The following TLK1 variants were observed in gnomAD, a reference collection of about 807,000 sequenced individuals.
The protein encoded by TLK1 is tousled like kinase 1.
A neutral mutation model predicts 105.3 loss-of-function variants in TLK1; 24 were observed. The ratio of observed to expected loss-of-function variants is 0.23; its 90% confidence interval spans 0.17 to 0.32. TLK1 has a LOEUF of 0.32. Among genes scored for constraint, TLK1 ranks in the 10% least tolerant of loss-of-function variants. The pLI, the probability that TLK1 is intolerant of heterozygous loss-of-function variation, is 1.00. For missense variants in TLK1, 558 were observed against 910.5 expected, an observed-to-expected ratio of 0.61 and a Z score of 4.98; for synonymous variants, 321 against 310.4, an observed-to-expected ratio of 1.03 and a Z score of -0.36.
chr2:171,158,689 T>C lies in TLK1; in HGVS notation c.139+1601A>G, dbSNP rs576989898. ...ACTCATAACACTAACATTAAACATC[T>C]TAATGAAACTACAAACAAAAGTAAA... On this transcript the variant is annotated intron_variant, in intron 1 of 20. Coordinates refer to ENST00000431350, the MANE Select transcript of TLK1 (RefSeq NM_012290.5). 1.2e-4 allele frequency among the ~76,000 whole-genome samples: 19 copies of C among 152,320 alleles called. No homozygotes were observed. In the South Asian group the frequency reaches 3.7e-3, roughly 30 times the overall value.
chr2:171,223,798 ATTTT>A (rs1273261078), intron 1 of TLK1, among the ~76,000 whole-genome samples: 1 of 127,232 alleles, frequency 7.9e-6, no homozygotes. Flanking sequence ...TTTAAAATCA[ATTTT>A]TTTTTTTTTT....
At chr2:171,196,064 AAAGG>A (rs993535217) in intron 1 of TLK1, among the ~76,000 whole-genome samples, 4 of 150,096 alleles carry the variant, frequency 2.7e-5, no homozygotes, top group Admixed American at 6.6e-5. Flanking sequence ...AAAGAAAGAA[AAAGG>A]AAGGAAGGAA....
At chr2:171,118,454 GAT>G (rs1175982025) in intron 1 of TLK1, among the ~76,000 whole-genome samples, 1 of 152,040 alleles carries the variant, frequency 6.6e-6, no homozygotes, top group Non-Finnish European at 1.5e-5. Context: ...CAATCCTTAA[GAT>G]TTTTTGTACG....
chr2:171,072,594 C>T (rs2105463215), intron 3 of TLK1, among the ~76,000 whole-genome samples: 1 of 152,220 alleles, frequency 6.6e-6, no homozygotes, highest in Admixed American at 6.5e-5. Context: ...CCCATTTCTA[C>T]TAAAAATACA....
At chr2:171,017,643 G>T (rs1685272284) in intron 12 of TLK1, among the ~76,000 whole-genome samples, 1 of 152,150 alleles carries the variant, frequency 6.6e-6, no homozygotes, top group Non-Finnish European at 1.5e-5. Flanking sequence ...ATATGTATCA[G>T]CAAATTAAAG....
At chr2:171,129,830 A>AATAAC (rs3084410) in intron 1 of TLK1, among the ~76,000 whole-genome samples, 37,337 of 142,458 alleles carry the variant, frequency 0.26, 5,053 homozygotes, top group East Asian at 0.32. Context: ...TAGGTTACCA[A>AATAAC]ATAACATAAC....
intron 1 of TLK1, among the ~76,000 whole-genome samples, chr2:171,120,075 C>T (rs1393777445): frequency 6.6e-6 from 1 of 151,694 alleles, no homozygotes; most frequent in Non-Finnish European, 1.5e-5. Context: ...CTCTACTAAA[C>T]GTCTCTACTA....
intron 12 of TLK1, among the ~76,000 whole-genome samples, chr2:171,015,197 A>C (rs1685114664): frequency 6.6e-6 from 1 of 152,180 alleles, no homozygotes; most frequent in South Asian, 2.1e-4. Flanking sequence ...TTTATTCTGT[A>C]CTACAAGAAA....
At chr2:171,208,448 C>G (rs1693549339) in intron 1 of TLK1, among the ~76,000 whole-genome samples, 1 of 152,094 alleles carries the variant, frequency 6.6e-6, no homozygotes, top group Admixed American at 6.6e-5. Flanking sequence ...GCTATATAAA[C>G]TTAGAGCATT....
At chr2:171,108,184 C>T (rs918364521) in intron 2 of TLK1, among the ~76,000 whole-genome samples, 2 of 151,884 alleles carry the variant, frequency 1.3e-5, no homozygotes, top group African/African-American at 2.4e-5. Flanking sequence ...CCTTTTAAAT[C>T]TAGATGAAGA....
chr2:171,191,806 C>A (rs543648713), intron 1 of TLK1, among the ~76,000 whole-genome samples: 27 of 152,208 alleles, frequency 1.8e-4, no homozygotes, highest in Admixed American at 2.0e-4. Flanking sequence ...GGCCAATATA[C>A]TTTCCTAAAT....
At chr2:171,114,400 A>C (rs1348950656) in intron 2 of TLK1, among the ~76,000 whole-genome samples, 1 of 152,230 alleles carries the variant, frequency 6.6e-6, no homozygotes, top group Non-Finnish European at 1.5e-5. Flanking sequence ...TAATCACATG[A>C]GTACATAAAA....
intron 18 of TLK1, among the ~76,000 whole-genome samples, chr2:171,002,526 G>A (rs1684429971): frequency 6.6e-6 from 1 of 151,980 alleles, no homozygotes; most frequent in African/African-American, 2.4e-5. Context: ...CACCTGCCTC[G>A]GCCTCCCAAA....
At chr2:171,112,216 C>A (rs946689110) in intron 2 of TLK1, among the ~76,000 whole-genome samples, 29 of 152,178 alleles carry the variant, frequency 1.9e-4, no homozygotes, top group Non-Finnish European at 5.9e-5. Flanking sequence ...TCCCAAAGTG[C>A]TGGGATTACA....
chr2:171,227,901 C>T (rs1401615129), intron 1 of TLK1, among the ~76,000 whole-genome samples: 9 of 152,212 alleles, frequency 5.9e-5, no homozygotes, highest in Middle Eastern at 3.4e-3. Context: ...GAAGGCCAGA[C>T]GCGGTGGCTC....
At chr2:171,215,490 T>C (rs886977101) in intron 1 of TLK1, among the ~76,000 whole-genome samples, 4 of 152,170 alleles carry the variant, frequency 2.6e-5, no homozygotes, top group African/African-American at 9.6e-5. Context: ...AGAGCAAATC[T>C]GCTTTAAGAA....
chr2:171,041,979 T>G (rs1334658186), intron 11 of TLK1, among the ~76,000 whole-genome samples: 4 of 152,246 alleles, frequency 2.6e-5, no homozygotes, highest in Non-Finnish European at 5.9e-5. Flanking sequence ...TGAATCAAAG[T>G]GCTTCTGTGG....
At chr2:170,998,206 T>C (rs1259350860) in intron 18 of TLK1, among the ~76,000 whole-genome samples, 1 of 152,172 alleles carries the variant, frequency 6.6e-6, no homozygotes, top group Non-Finnish European at 1.5e-5. Flanking sequence ...CCATCCTCCT[T>C]AACCACTGTT....
chr2:171,205,526 G>A (rs1254241123), intron 1 of TLK1, among the ~76,000 whole-genome samples: 1 of 152,052 alleles, frequency 6.6e-6, no homozygotes, highest in Non-Finnish European at 1.5e-5. Flanking sequence ...GTTTTGCCAT[G>A]TTGCCCAGGC....
Sources: gnomAD v4.1 joint callset for allele counts (sites outside exome capture counted in the v4.1 genomes callset) on GRCh38, gnomAD v4.1.1 for gene constraint, MANE v1.5 for transcripts, NCBI Gene and HGNC (gene_info 2026-07-23, HGNC 2026-07-21) for gene names.